Variants in SLC16A12 observed in about 807,000 individuals in gnomAD.
The protein encoded by SLC16A12 is monocarboxylate transporter 12.
In SLC16A12, 17 loss-of-function variants were observed where a neutral mutation model predicts 42.4. The observed-to-expected ratio is 0.40, with a 90% CI of 0.27 to 0.60. The LOEUF (loss-of-function observed/expected upper bound fraction) is 0.60, where lower values mean the gene tolerates loss of function less well. SLC16A12 is among the 20% of genes least tolerant of loss of function. The pLI, the probability that SLC16A12 is intolerant of heterozygous loss-of-function variation, is 0.42. For missense variants in SLC16A12, 544 were observed against 623.0 expected, an observed-to-expected ratio of 0.87 and a Z score of 1.35; for synonymous variants, 224 against 229.4, an observed-to-expected ratio of 0.98 and a Z score of 0.21.
intron 2 of SLC16A12, among the ~76,000 whole-genome samples, chr10:89,526,132 C>A (rs548666634): frequency 6.6e-6 from 1 of 152,142 alleles, no homozygotes; most frequent in East Asian, 1.9e-4. Flanking sequence ...TCATGCTACC[C>A]CCCGCCCCCA....
At chr10:89,541,551 C>G (rs1843716112) in intron 2 of SLC16A12, among the ~76,000 whole-genome samples, 1 of 152,164 alleles carries the variant, frequency 6.6e-6, no homozygotes. Context: ...CGTGTTACAG[C>G]ACTCCAGCTT....
chr10:89,529,784 G>A (rs565584125), intron 2 of SLC16A12, among the ~76,000 whole-genome samples: 1 of 152,200 alleles, frequency 6.6e-6, no homozygotes, highest in African/African-American at 2.4e-5. Flanking sequence ...CTGACCTCAG[G>A]TGATCCACCC....
chr10:89,494,873 T>C (rs1031718463), intron 2 of SLC16A12, among the ~76,000 whole-genome samples: 7 of 152,256 alleles, frequency 4.6e-5, no homozygotes, highest in African/African-American at 1.7e-4. Flanking sequence ...AGCCTTCCCC[T>C]CCCTGGAAGA....
At chr10:89,511,408 G>C (rs1843160317) in intron 2 of SLC16A12, among the ~76,000 whole-genome samples, 1 of 152,140 alleles carries the variant, frequency 6.6e-6, no homozygotes, top group African/African-American at 2.4e-5. Flanking sequence ...CCATAAAAAG[G>C]ATGAGTTCAT....
intron 2 of SLC16A12, among the ~76,000 whole-genome samples, chr10:89,555,065 A>G (rs1394316092): frequency 6.6e-6 from 1 of 152,196 alleles, no homozygotes; most frequent in African/African-American, 2.4e-5. Context: ...TAGCACCTAG[A>G]AAGCATCCAG....
At chr10:89,495,357 A>C (rs1396786212) in intron 2 of SLC16A12, among the ~76,000 whole-genome samples, 1 of 152,102 alleles carries the variant, frequency 6.6e-6, no homozygotes, top group Non-Finnish European at 1.5e-5. Flanking sequence ...CGTCTCTCAA[A>C]AAACAAACAA....
intron 2 of SLC16A12, among the ~76,000 whole-genome samples, chr10:89,464,304 C>T (rs1842356354): frequency 6.6e-6 from 1 of 152,222 alleles, no homozygotes; most frequent in South Asian, 2.1e-4. Flanking sequence ...TTGTGATACC[C>T]TTAGCCAAGG....
chr10:89,467,070 G>A (rs1842413459), intron 2 of SLC16A12, among the ~76,000 whole-genome samples: 1 of 152,200 alleles, frequency 6.6e-6, no homozygotes, highest in South Asian at 2.1e-4. Context: ...ACAATCAGTT[G>A]TACCAGTAAA....
chr10:89,474,639 G>C (rs1278500276), intron 2 of SLC16A12, among the ~76,000 whole-genome samples: 1 of 152,108 alleles, frequency 6.6e-6, no homozygotes, highest in Non-Finnish European at 1.5e-5. Context: ...ACCAGAGTGT[G>C]GCATTCATGT....
At chr10:89,443,653 C>G (rs111283449) in intron 4 of SLC16A12, 103 bp downstream of exon 4, 1 of 851,552 alleles carries the variant, frequency 1.2e-6, no homozygotes, top group Non-Finnish European at 2.0e-6. Context: ...TTTAATGTAG[C>G]CCTTCTACTT....
intron 2 of SLC16A12, among the ~76,000 whole-genome samples, chr10:89,486,155 TG>T (rs912265838): frequency 1.3e-5 from 2 of 152,096 alleles, no homozygotes; most frequent in African/African-American, 4.8e-5. Context: ...TTCTATACTC[TG>T]GGGAAGATGA....
chr10:89,552,989 G>A (rs555506041), intron 2 of SLC16A12, among the ~76,000 whole-genome samples: 6 of 152,206 alleles, frequency 3.9e-5, no homozygotes, highest in Admixed American at 1.3e-4. Context: ...ATGTACCTCC[G>A]TCCCTCTGTC....
intron 3 of SLC16A12, among the ~76,000 whole-genome samples, chr10:89,451,212 G>T (rs554402603): frequency 6.6e-6 from 1 of 152,236 alleles, no homozygotes; most frequent in East Asian, 1.9e-4. Flanking sequence ...AACCTGTTAT[G>T]TTCACTCTCC....
chr10:89,497,472 G>A (rs1214701898), intron 2 of SLC16A12, among the ~76,000 whole-genome samples: 1 of 152,104 alleles, frequency 6.6e-6, no homozygotes, highest in East Asian at 1.9e-4. Flanking sequence ...CAAAGACCAG[G>A]TCTTTTCAAA....
intron 2 of SLC16A12, among the ~76,000 whole-genome samples, chr10:89,517,773 G>A (rs1260650173): frequency 6.6e-6 from 1 of 152,266 alleles, no homozygotes; most frequent in East Asian, 1.9e-4. Flanking sequence ...TTCACAGGAG[G>A]TAGCCACTAT....
In SLC16A12 at chr10:89,553,051, G is replaced by A. The variant is rs189397153; in HGVS notation, c.-47+2831C>T. 6.0e-3 allele frequency among the ~76,000 whole-genome samples: 912 copies of A among 152,294 alleles called. 9 individuals carry two copies. Among genetic ancestry groups the A allele is most frequent in the African/African-American group, 0.021 (873 of 41,552 alleles). ...TCACAAGGTCAGGAGTTTGAGACCA[G>A]CCTGGCCAATAGGGTGAAACCCCGT... On this transcript the variant is annotated intron_variant, in intron 2 of 2. Transcript: ENST00000475682.
Position 89,436,914 on chromosome 10 carries a change from A to AAGAAAGAAAG in SLC16A12, c.1029-596_1029-595insCTTTCTTTCT, listed in dbSNP as rs796398100. 3.0e-3 allele frequency among the ~76,000 whole-genome samples: 405 copies of AAGAAAGAAAG among 136,562 alleles called. 3 individuals are homozygous for AAGAAAGAAAG. Among genetic ancestry groups the AAGAAAGAAAG allele is most frequent in the African/African-American group, 0.01 (371 of 35,504 alleles). The allele number at this position is 136,562 out of a possible 152,430, so 89.6% of individuals were successfully genotyped here. On this transcript the variant is annotated intron_variant, in intron 6 of 7. Transcript: ENST00000371790. ...AAAGAAAGAAAGAAAGAAAGAAAGA[A>AAGAAAGAAAG]AAAGAAAGAGTGCATAAATCTCAAA...
chr10:89,541,542 G>A (rs914907122), intron 2 of SLC16A12, among the ~76,000 whole-genome samples: 9 of 152,126 alleles, frequency 5.9e-5, no homozygotes, highest in South Asian at 4.1e-4. Flanking sequence ...GGCTGTTATC[G>A]TGTTACAGCA....
intron 2 of SLC16A12, among the ~76,000 whole-genome samples, chr10:89,468,529 C>T (rs914503671): frequency 1.3e-5 from 2 of 152,108 alleles, no homozygotes; most frequent in Non-Finnish European, 2.9e-5. Context: ...GATGTCCAAG[C>T]AATACTAACG....
Sources: allele counts gnomAD v4.1 joint callset (sites outside exome capture counted in the v4.1 genomes callset), GRCh38; gene constraint gnomAD v4.1.1; transcripts MANE v1.5; gene names NCBI Gene and HGNC (gene_info 2026-07-23, HGNC 2026-07-21).